Variants in CCDC32 observed in about 807,000 individuals in gnomAD.
The protein encoded by CCDC32 is coiled-coil domain-containing protein 32.
A neutral mutation model predicts 20.1 loss-of-function variants in CCDC32; 9 were observed. The ratio of observed to expected loss-of-function variants is 0.45; its 90% CI spans 0.27 to 0.78. CCDC32 has a LOEUF of 0.78. Among genes scored for constraint, CCDC32 ranks in the 30% least tolerant of loss-of-function variants. The probability of loss-of-function intolerance (pLI) is 0.16; values close to 1 mark genes in which losing one functional copy is unlikely to be tolerated. For synonymous variants in CCDC32, 63 were observed against 79.0 expected (o/e 0.80, Z 1.07); for missense variants, 204 against 215.5 (o/e 0.95, Z 0.33).
chr15:40,554,077 C>G lies in CCDC32; in HGVS notation c.452G>C (p.Ser151Thr). Residue 151 changes from serine to threonine, a missense_variant, in exon 4 of 4, where the codon AGC (serine) becomes ACC (threonine). By Grantham distance (58) the Ser-to-Thr change is moderately conservative. Coordinates refer to ENST00000416810, the MANE Select transcript of CCDC32 (RefSeq NM_001080792.4). ...RWLQPDKVAV[S>T]TEEVQYLIPP... is the part of the protein sequence containing the mutation. ...AATCAGATACTGGACCTCCTCTGTG[C>G]TGACGGCTACTTTATCTGGCTGGAG... 6.2e-7 allele frequency: 1 copy of G among 1,614,064 alleles called. No homozygotes were observed. The highest frequency in any genetic ancestry group is 8.5e-7 in the Non-Finnish European group (1 of 1,180,016).
At chr15:40,545,136 A>G (rs867210087) in intron 3 of CCDC32, among the ~76,000 whole-genome samples, 2 of 152,172 alleles carry the variant, frequency 1.3e-5, no homozygotes, top group Non-Finnish European at 2.9e-5. Flanking sequence ...ACTCTTACCC[A>G]ATGTACACTC....
chr15:40,527,233 C>T (rs1437483062), downstream of CCDC32, among the ~76,000 whole-genome samples: 7 of 147,592 alleles, frequency 4.7e-5, no homozygotes, highest in South Asian at 2.2e-4. Context: ...TGCAGTGGCA[C>T]GATCTCAGCT....
At chr15:40,561,357 C>T (rs945305865) in intron 2 of CCDC32, among the ~76,000 whole-genome samples, 1 of 151,986 alleles carries the variant, frequency 6.6e-6, no homozygotes, top group African/African-American at 2.4e-5. Flanking sequence ...ACTGTAATCC[C>T]AGCTACTCAG....
chr15:40,557,150 C>A, intron 3 of CCDC32, 66 bp downstream of exon 3: 1 of 1,529,198 alleles, frequency 6.5e-7, no homozygotes, highest in South Asian at 1.3e-5. Flanking sequence ...TACTGCTGGG[C>A]TAAAAACAAA....
downstream of CCDC32, among the ~76,000 whole-genome samples, chr15:40,551,254 C>T (rs1172956521): frequency 2.0e-5 from 3 of 151,896 alleles, no homozygotes; most frequent in African/African-American, 4.8e-5. Context: ...TGGTGGTGGG[C>T]GCCTGTAGTC....
chr15:40,522,307 A>T, the CCDC32 span, among the ~76,000 whole-genome samples: 2 of 152,158 alleles, frequency 1.3e-5, no homozygotes, highest in African/African-American at 4.8e-5. Context: ...ATTCTATTCT[A>T]TTGCTTTATG....
downstream of CCDC32, chr15:40,536,848 AC>A (rs1446645917): frequency 6.6e-6 from 1 of 152,312 alleles, no homozygotes; most frequent in Non-Finnish European, 1.5e-5. Context: ...CATGACTGCT[AC>A]GATGGTGATG....
At chr15:40,541,629 G>A (rs1423934355) in intron 3 of CCDC32, among the ~76,000 whole-genome samples, 1 of 152,184 alleles carries the variant, frequency 6.6e-6, no homozygotes, top group African/African-American at 2.4e-5. Context: ...CTTAGCCTAA[G>A]CCATAATCTT....
chr15:40,560,309 A>C (rs1890536167), intron 2 of CCDC32, among the ~76,000 whole-genome samples: 1 of 152,240 alleles, frequency 6.6e-6, no homozygotes, highest in Admixed American at 6.5e-5. Flanking sequence ...TGCCCGGCCT[A>C]GGCAAAAAAT....
the CCDC32 span, among the ~76,000 whole-genome samples, chr15:40,523,468 C>T: frequency 6.8e-6 from 1 of 146,290 alleles, no homozygotes; most frequent in East Asian, 2.0e-4. Flanking sequence ...CCCGCCATTG[C>T]ACTCTAGCCT....
downstream of CCDC32, among the ~76,000 whole-genome samples, chr15:40,549,589 C>T (rs898038826): frequency 2.0e-5 from 3 of 152,152 alleles, no homozygotes; most frequent in Non-Finnish European, 4.4e-5. Flanking sequence ...TCTACTCCCC[C>T]CTCCATCATT....
At chr15:40,542,243 C>T (rs1402741100) in intron 3 of CCDC32, among the ~76,000 whole-genome samples, 1 of 152,198 alleles carries the variant, frequency 6.6e-6, no homozygotes, top group Non-Finnish European at 1.5e-5. Context: ...ATTGGTCTTC[C>T]TGAAACTCCC....
At chr15:40,557,028 C>T (rs1185964976) in intron 3 of CCDC32, 188 bp downstream of exon 3, 6 of 566,884 alleles carry the variant, frequency 1.1e-5, no homozygotes, top group Non-Finnish European at 1.2e-5. Flanking sequence ...TTCTCAAGTT[C>T]ATTGCATACT....
At chr15:40,559,366 G>T (rs920548851) in intron 2 of CCDC32, among the ~76,000 whole-genome samples, 1 of 152,210 alleles carries the variant, frequency 6.6e-6, no homozygotes, top group Non-Finnish European at 1.5e-5. Flanking sequence ...GGGATTATAG[G>T]TGTGAGCCAC....
At chr15:40,534,665 A>G (rs1159481703), downstream of CCDC32, 11 of 495,740 alleles carry the variant, frequency 2.2e-5, no homozygotes, top group East Asian at 2.5e-4. Context: ...CCATATCACC[A>G]ACTGTCTACT....
intron 1 of CCDC32, among the ~76,000 whole-genome samples, chr15:40,564,275 T>C (rs140802548): frequency 7.2e-5 from 11 of 152,294 alleles, no homozygotes; most frequent in African/African-American, 2.6e-4. Context: ...TGTCTCATGC[T>C]CTTATTTTAA....
intron 3 of CCDC32, among the ~76,000 whole-genome samples, chr15:40,539,841 C>CAA (rs1566979578): frequency 8.4e-4 from 2 of 2,374 alleles, no homozygotes; most frequent in Non-Finnish European, 1.5e-3. Flanking sequence ...AAACTGTTGC[C>CAA]ACACACACAC....
intron 3 of CCDC32, among the ~76,000 whole-genome samples, chr15:40,547,014 GT>G (rs913064638): frequency 5.8e-4 from 89 of 152,178 alleles, no homozygotes; most frequent in African/African-American, 2.0e-3. Context: ...ATGTTTTGCA[GT>G]TTTTTAACTG....
intron 3 of CCDC32, among the ~76,000 whole-genome samples, chr15:40,541,814 A>T (rs1163333162): frequency 6.6e-6 from 1 of 152,208 alleles, no homozygotes. Flanking sequence ...ATAAAACAGC[A>T]CAAGAGCGAC....
Sources: allele counts gnomAD v4.1 joint callset (sites outside exome capture counted in the v4.1 genomes callset), GRCh38; gene constraint gnomAD v4.1.1; transcripts MANE v1.5; gene names NCBI Gene and HGNC (gene_info 2026-07-23, HGNC 2026-07-21).